Variants in CDKAL1 observed in about 807,000 individuals in gnomAD.
CDKAL1 encodes the protein CDKAL1 threonylcarbamoyladenosine tRNA methylthiotransferase, also known as threonylcarbamoyladenosine tRNA methylthiotransferase.
In CDKAL1, 32 loss-of-function variants were observed where a neutral mutation model predicts 68.2. The observed-to-expected ratio is 0.47, with a 90% CI of 0.35 to 0.63. The LOEUF is 0.63. Among genes scored for constraint, CDKAL1 ranks in the 30% least tolerant of loss-of-function variants. The pLI, the probability that CDKAL1 is intolerant of heterozygous loss-of-function variation, is 0.00. For missense variants in CDKAL1, 606 were observed against 696.7 expected (o/e 0.87, Z 1.47); for synonymous variants, 234 against 244.3 (o/e 0.96, Z 0.39).
intron 13 of CDKAL1, among the ~76,000 whole-genome samples, chr6:21,121,197 G>A (rs1774693144): frequency 6.6e-6 from 1 of 152,146 alleles, no homozygotes; most frequent in African/African-American, 2.4e-5. Flanking sequence ...TTTCTCTTAT[G>A]AATGGTGTCA....
intron 10 of CDKAL1, among the ~76,000 whole-genome samples, chr6:20,986,300 G>A (rs930775872): frequency 1.2e-4 from 19 of 152,082 alleles, no homozygotes; most frequent in African/African-American, 2.7e-4. Flanking sequence ...TCACTAGATA[G>A]TATCACATAT....
chr6:21,125,006 A>G lies in CDKAL1; in HGVS notation c.1299+16543A>G, dbSNP rs751409809. On this transcript the variant is annotated intron_variant, in intron 13 of 15. Coordinates refer to ENST00000274695, the MANE Select transcript of CDKAL1 (RefSeq NM_017774.3). Reference sequence around the variant, plus strand: ...CTCTCTGTGGTCTCAGTGTCTACTCATAAGTTGTTTTTTGTTTCTAGAAGC... The same window carrying G: ...CTCTCTGTGGTCTCAGTGTCTACTCGTAAGTTGTTTTTTGTTTCTAGAAGC... Among the ~76,000 whole-genome samples, 6 of 151,830 alleles carry G rather than the reference A, an allele frequency of 4.0e-5. No homozygotes were observed. In the East Asian group the frequency reaches 1.2e-3, roughly 30 times the overall value.
chr6:20,664,753 T>G lies in CDKAL1; in HGVS notation c.371+15376T>G, dbSNP rs180702155. Among the ~76,000 whole-genome samples, 4 of 152,276 alleles carry G rather than the reference T, an allele frequency of 2.6e-5. No individual in the cohort carries two copies. In the East Asian group the frequency reaches 7.7e-4, roughly 29 times the overall value. On this transcript the variant is annotated intron_variant, in intron 5 of 15. Coordinates refer to ENST00000274695, the MANE Select transcript of CDKAL1 (RefSeq NM_017774.3). ...TCATTGAGCAAATTCTAAGAAACTT[T>G]AAAAAATTCTCTTCTATCTAGGCTG...
intron 5 of CDKAL1, among the ~76,000 whole-genome samples, chr6:20,705,101 G>T (rs1771537949): frequency 6.6e-6 from 1 of 152,184 alleles, no homozygotes; most frequent in Non-Finnish European, 1.5e-5. Context: ...TTTCCTGGAA[G>T]TGTTGTACAA....
rs184644413 is a variant in CDKAL1 at position 21,064,651 on chromosome 6, T to G, written c.1056-397T>G. 3.9e-5 allele frequency among the ~76,000 whole-genome samples: 6 copies of G among 152,344 alleles called. No individual in the cohort carries two copies. The East Asian group carries it at 1.2e-3, about 29-fold the overall frequency. ...TTTGCAATTGTACCAATGGAAGTAC[T>G]GTGTTAACTAGGAGTTGTTCATTGA... On this transcript the variant is annotated intron_variant, in intron 11 of 15. Coordinates refer to ENST00000274695, the MANE Select transcript of CDKAL1 (RefSeq NM_017774.3).
At position 20,862,687 on chromosome 6, in the gene CDKAL1, A is replaced by G. The variant is rs557953837; in HGVS notation, c.742+16509A>G. On this transcript the variant is annotated intron_variant, in intron 9 of 15. Coordinates refer to ENST00000274695, the MANE Select transcript of CDKAL1 (RefSeq NM_017774.3). The stretch of plus-strand genomic sequence containing the variant: ...TGCGCGCGTGCATGCGCGCGTGCGC[A>G]TATACCCATATACTCTCACATAGCT... 3.2e-3 allele frequency among the ~76,000 whole-genome samples: 482 copies of G among 152,050 alleles called. 1 individual carries two copies. The highest frequency in any genetic ancestry group is 0.011 in the African/African-American group (463 of 41,442).
chr6:20,669,367 AT>A (rs1216676013), intron 5 of CDKAL1, among the ~76,000 whole-genome samples: 1 of 152,128 alleles, frequency 6.6e-6, no homozygotes, highest in Non-Finnish European at 1.5e-5. Flanking sequence ...TTATTTATGT[AT>A]TCAATTATTT....
At chr6:20,773,314 G>C (rs189219671) in intron 7 of CDKAL1, among the ~76,000 whole-genome samples, 2,635 of 152,182 alleles carry the variant, frequency 0.017, 44 homozygotes, top group Admixed American at 0.056. Context: ...CTGTATATGA[G>C]GAATGATATT....
chr6:21,116,307 T>C (rs1403063385), intron 13 of CDKAL1, among the ~76,000 whole-genome samples: 1 of 152,308 alleles, frequency 6.6e-6, no homozygotes, highest in South Asian at 2.1e-4. Flanking sequence ...CTCAGCCAGT[T>C]ACCCTGAGGA....
chr6:20,782,635 T>C (rs1304700090), intron 8 of CDKAL1, among the ~76,000 whole-genome samples: 5 of 152,230 alleles, frequency 3.3e-5, no homozygotes, highest in Admixed American at 2.6e-4. Flanking sequence ...CATTGAAATA[T>C]ATAAATGATC....
At chr6:20,715,816 C>T (rs1034449032) in intron 5 of CDKAL1, among the ~76,000 whole-genome samples, 2 of 152,076 alleles carry the variant, frequency 1.3e-5, no homozygotes, top group African/African-American at 2.4e-5. Context: ...TGACTTTTCT[C>T]CTCTAGGTTG....
rs1262967618 is a variant in CDKAL1 at position 20,615,962 on chromosome 6, G to A, written c.287-33331G>A. 1.8e-4 allele frequency among the ~76,000 whole-genome samples: 27 copies of A among 150,492 alleles called. 1 individual carries two copies. In the East Asian group the frequency reaches 4.2e-3, roughly 23 times the overall value. ...CATCTTGAATTGATTTTTGTATAAG[G>A]TGTAAAGAAGGGATCCAGTTTCAGC... On this transcript the variant is annotated intron_variant, in intron 4 of 15. Coordinates refer to ENST00000274695, the MANE Select transcript of CDKAL1 (RefSeq NM_017774.3).
At chr6:20,573,369 A>G (rs906708135) in intron 4 of CDKAL1, among the ~76,000 whole-genome samples, 1 of 150,514 alleles carries the variant, frequency 6.6e-6, no homozygotes, top group Non-Finnish European at 1.5e-5. Flanking sequence ...TTCAACAAAA[A>G]CCTCAAGTTA....
intron 8 of CDKAL1, among the ~76,000 whole-genome samples, chr6:20,843,707 A>G (rs968943761): frequency 6.6e-6 from 1 of 152,168 alleles, no homozygotes; most frequent in Non-Finnish European, 1.5e-5. Flanking sequence ...TTGTTGCTCA[A>G]AAAGTTTCAG....
intron 4 of CDKAL1, among the ~76,000 whole-genome samples, chr6:20,586,855 T>C (rs1765379613): frequency 6.6e-6 from 1 of 152,158 alleles, no homozygotes; most frequent in Admixed American, 6.5e-5. Flanking sequence ...ACACCTTTTC[T>C]ACTTCTCTTG....
chr6:20,569,879 G>A (rs963393375), intron 4 of CDKAL1, among the ~76,000 whole-genome samples: 1 of 152,108 alleles, frequency 6.6e-6, no homozygotes, highest in Admixed American at 6.5e-5. Flanking sequence ...TGGCTGGTAG[G>A]TAACATGTAG....
At chr6:21,053,870 T>C (rs1770680259) in intron 11 of CDKAL1, among the ~76,000 whole-genome samples, 1 of 152,210 alleles carries the variant, frequency 6.6e-6, no homozygotes, top group African/African-American at 2.4e-5. Flanking sequence ...AGTCTTTTTA[T>C]TGGATATATG....
At chr6:20,898,232 G>C (rs1259368336) in intron 9 of CDKAL1, among the ~76,000 whole-genome samples, 2 of 151,460 alleles carry the variant, frequency 1.3e-5, no homozygotes, top group African/African-American at 4.9e-5. Flanking sequence ...GTATATGTGT[G>C]TTCCTGTTCT....
At chr6:20,943,385 C>A (rs1764088550) in intron 9 of CDKAL1, among the ~76,000 whole-genome samples, 1 of 146,814 alleles carries the variant, frequency 6.8e-6, no homozygotes, top group African/African-American at 2.5e-5. Flanking sequence ...TGTTTGTGTA[C>A]TTTGATGTGG....
Sources: gnomAD v4.1 joint callset for allele counts (sites outside exome capture counted in the v4.1 genomes callset) on GRCh38, gnomAD v4.1.1 for gene constraint, MANE v1.5 for transcripts, NCBI Gene and HGNC (gene_info 2026-07-23, HGNC 2026-07-21) for gene names.